Variants in CCDC12 observed in about 807,000 individuals in gnomAD.
CCDC12 encodes the protein coiled-coil domain-containing protein 12.
Under a neutral mutation model 25.7 loss-of-function variants are expected in CCDC12, and 28 were observed. That is an observed-to-expected ratio of 1.09 (90% CI 0.81 to 1.50). The LOEUF (loss-of-function observed/expected upper bound fraction) is 1.50. Among genes scored for constraint, CCDC12 ranks in the 40% most tolerant of loss-of-function variants. The pLI, the probability that CCDC12 is intolerant of heterozygous loss-of-function variation, is 0.00. For synonymous variants in CCDC12, 75 were observed against 87.7 expected, an observed-to-expected ratio of 0.86 and a Z score of 0.81; for missense variants, 198 against 210.0, an observed-to-expected ratio of 0.94 and a Z score of 0.35.
chr3:46,950,496 T>TGCG (rs2034075892), intron 1 of CCDC12, among the ~76,000 whole-genome samples: 2 of 149,202 alleles, frequency 1.3e-5, no homozygotes, highest in African/African-American at 2.5e-5. Context: ...TTTTTTTTTT[T>TGCG]GGGGTAGAGA....
rs528955679 is a variant in CCDC12 at position 46,923,243 on chromosome 3, C to T, written c.341+86G>A. ...TGTACTGCCAGTCTCTGCACTGTGA[C>T]GGCAGGAAGGGCCAAGCCCCAGGCC... On this transcript the variant is annotated intron_variant, in intron 5 of 6. Transcript: ENST00000683445. 185 of 1,323,114 alleles carry T rather than the reference C, an allele frequency of 1.4e-4. 3 individuals carry two copies. In the African/African-American group the frequency reaches 2.2e-3, roughly 16 times the overall value. The allele number at this position is 1,323,114 out of a possible 1,614,324, so 82.0% of individuals were successfully genotyped here. A position where few individuals can be genotyped will look rare whatever the true frequency, so the allele number is the denominator to read the frequency against.
intron 1 of CCDC12, among the ~76,000 whole-genome samples, chr3:46,950,593 T>C (rs1157762838): frequency 1.3e-5 from 2 of 152,116 alleles, no homozygotes; most frequent in Admixed American, 6.6e-5. Flanking sequence ...TGCTGGATTA[T>C]AGGCATGAGC....
upstream of CCDC12, chr3:46,979,797 C>T (rs952714974): frequency 1.0e-5 from 4 of 387,396 alleles, no homozygotes; most frequent in Admixed American, 9.3e-5. Flanking sequence ...CCGAGGGCAA[C>T]CGGCGGGCGG....
intron 2 of CCDC12, among the ~76,000 whole-genome samples, chr3:46,935,659 C>G (rs1392573395): frequency 6.6e-6 from 1 of 152,160 alleles, no homozygotes; most frequent in African/African-American, 2.4e-5. Context: ...ATCCATGCCT[C>G]TACAGAGTTA....
intron 2 of CCDC12, among the ~76,000 whole-genome samples, chr3:46,930,022 A>AC (rs2033141725): frequency 1.1e-5 from 1 of 94,470 alleles, no homozygotes; most frequent in Admixed American, 1.5e-4. Flanking sequence ...GAACAGCAAG[A>AC]CCCCATCTCA....
At chr3:46,977,834 C>T (rs1436930694), upstream of CCDC12, among the ~76,000 whole-genome samples, 1 of 152,216 alleles carries the variant, frequency 6.6e-6, no homozygotes, top group African/African-American at 2.4e-5. Flanking sequence ...GGGGTGGCCT[C>T]GACTGCAAGT....
intron 5 of CCDC12, 31 bp downstream of exon 5, chr3:46,923,298 C>T: frequency 6.8e-7 from 1 of 1,471,224 alleles, no homozygotes; most frequent in Non-Finnish European, 9.0e-7. Flanking sequence ...CCCGAGTCAG[C>T]CTGCACCCGC....
intron 1 of CCDC12, among the ~76,000 whole-genome samples, chr3:46,974,859 A>C (rs2034916186): frequency 6.6e-6 from 1 of 152,198 alleles, no homozygotes; most frequent in Non-Finnish European, 1.5e-5. Context: ...GCCCTTTCAC[A>C]CAGATTATCC....
chr3:46,925,499 C>A lies in CCDC12; in HGVS notation c.201G>T (p.Glu67Asp), dbSNP rs1274657737. The A allele has an allele frequency of 1.2e-6, 2 of 1,605,302 alleles. No individual in the cohort carries two copies. The highest frequency in any genetic ancestry group is 8.5e-7 in the Non-Finnish European group (1 of 1,173,358). ...GGGGCACCCTCCTCTTCTTCAGGTC[C>A]TCATCCTCCGGGACATAGTTCCGCA... is the stretch of plus-strand genomic sequence containing the variant. ...LRLRNYVPEDEDLKKRRVPQA... is the reference protein window; with the variant it reads ...LRLRNYVPEDDDLKKRRVPQA... The change falls in exon 3 of 7, where the codon GAG (glutamate) becomes GAT (aspartate). Residue 67 changes from glutamate (E) to aspartate (D), a missense_variant. Coordinates refer to ENST00000683445, the MANE Select transcript of CCDC12 (RefSeq NM_001277074.2).
intron 4 of CCDC12, 52 bp from the exon 5 acceptor site, chr3:46,923,415 G>T: frequency 6.4e-7 from 1 of 1,557,238 alleles, no homozygotes; most frequent in Non-Finnish European, 8.7e-7. Context: ...CCAGGACAAG[G>T]GGGAGGGCAG....
chr3:46,938,120 AAAGCAGAAGAATATGATGAGCTG>A (rs2033527356), intron 2 of CCDC12, among the ~76,000 whole-genome samples: 1 of 152,244 alleles, frequency 6.6e-6, no homozygotes, highest in African/African-American at 2.4e-5. Flanking sequence ...AGATTAGAGC[AAAGCAGAAGAATATGATGAGCTG>A]AAGCAGAACC....
intron 1 of CCDC12, among the ~76,000 whole-genome samples, chr3:46,974,305 C>T (rs2034899879): frequency 6.6e-6 from 1 of 152,136 alleles, no homozygotes; most frequent in South Asian, 2.1e-4. Flanking sequence ...TGTGTATTTT[C>T]CCACAATTTT....
At chr3:46,943,864 A>G (rs2033807314) in intron 1 of CCDC12, among the ~76,000 whole-genome samples, 1 of 152,242 alleles carries the variant, frequency 6.6e-6, no homozygotes, top group African/African-American at 2.4e-5. Context: ...ATAAAGATCC[A>G]CATCTGTGGC....
chr3:46,947,469 T>C (rs919331005), intron 1 of CCDC12, among the ~76,000 whole-genome samples: 8 of 152,296 alleles, frequency 5.3e-5, no homozygotes, highest in Non-Finnish European at 1.2e-4. Context: ...TGACTCACCC[T>C]GAAGATGGAG....
intron 1 of CCDC12, among the ~76,000 whole-genome samples, chr3:46,975,642 T>C (rs189637013): frequency 1.2e-3 from 185 of 148,342 alleles, no homozygotes; most frequent in African/African-American, 4.3e-3. Flanking sequence ...GCCATTCTCC[T>C]GCCTCAGCTT....
intron 1 of CCDC12, among the ~76,000 whole-genome samples, chr3:46,964,065 G>A (rs868580140): frequency 2.6e-5 from 4 of 151,476 alleles, no homozygotes; most frequent in African/African-American, 4.9e-5. Flanking sequence ...CCTTTGCCCC[G>A]CCGCCCCGTC....
chr3:46,971,781 G>A (rs1445551391), intron 1 of CCDC12, among the ~76,000 whole-genome samples: 1 of 152,200 alleles, frequency 6.6e-6, no homozygotes, highest in African/African-American at 2.4e-5. Flanking sequence ...TAGGAAACCA[G>A]CAAGATGCCA....
chr3:46,966,212 G>C (rs1162050402), intron 1 of CCDC12: 3 of 152,362 alleles, frequency 2.0e-5, no homozygotes, highest in African/African-American at 7.2e-5. Context: ...GTTGAAAAAA[G>C]AAAGAAAGAA....
At chr3:46,964,504 C>G (rs938141012) in intron 1 of CCDC12, among the ~76,000 whole-genome samples, 1 of 152,180 alleles carries the variant, frequency 6.6e-6, no homozygotes, top group Non-Finnish European at 1.5e-5. Flanking sequence ...TTTTGAGGAA[C>G]AGAAAAGGGG....
Sources: gnomAD v4.1 joint callset for allele counts (sites outside exome capture counted in the v4.1 genomes callset) on GRCh38, gnomAD v4.1.1 for gene constraint, MANE v1.5 for transcripts, NCBI Gene and HGNC (gene_info 2026-07-23, HGNC 2026-07-21) for gene names.